Variants in TRIM14 observed in about 807,000 individuals in gnomAD.
TRIM14 encodes tripartite motif containing 14.
In TRIM14, 28 loss-of-function variants were observed where a neutral mutation model predicts 44.5. That is an observed-to-expected ratio of 0.63 (90% CI 0.47 to 0.86). The LOEUF (loss-of-function observed/expected upper bound fraction) is 0.86. TRIM14 is among the 40% of genes least tolerant of loss of function. TRIM14 has a pLI of 0.00. For missense variants in TRIM14, 607 were observed against 611.1 expected, an observed-to-expected ratio of 0.99 and a Z score of 0.07; for synonymous variants, 299 against 269.2, an observed-to-expected ratio of 1.11 and a Z score of -1.08.
the TRIM14 span, among the ~76,000 whole-genome samples, chr9:98,059,524 C>T: frequency 2.6e-5 from 4 of 152,110 alleles, no homozygotes; most frequent in African/African-American, 7.2e-5. Context: ...AAGCGATCCT[C>T]CCCCCTCAGC....
chr9:98,087,801 G>A lies in TRIM14; in HGVS notation c.998C>T (p.Ala333Val), dbSNP rs749950072. 2 of 1,506,060 alleles carry A rather than the reference G, an allele frequency of 1.3e-6. No individual in the cohort carries two copies. Among genetic ancestry groups the A allele is most frequent in the East Asian group, 2.7e-5 (1 of 37,614 alleles). The allele number at this position is 1,506,060 out of a possible 1,614,324, so 93.3% of individuals were successfully genotyped here. A position where few individuals can be genotyped will look rare whatever the true frequency, so the allele number is the denominator to read the frequency against. Residue 333 changes from alanine (A) to valine (V), a missense_variant, in exon 6 of 6, where the codon GCC (alanine) becomes GTC (valine). Ala to Val is a moderately conservative substitution (Grantham distance 64, BLOSUM62 0). This residue lies in a region of TRIM14 where 356 missense variants were observed against 323.0 expected (regional missense o/e 1.10). Coordinates refer to ENST00000341469, the MANE Select transcript of TRIM14 (RefSeq NM_014788.4). ...GTAGGCCGCGCCCACCCACCAGCCGGCGCCCGCCTCCTGCACGTCAACCTC... is the reference window on the plus strand; with the variant it reads ...GTAGGCCGCGCCCACCCACCAGCCGACGCCCGCCTCCTGCACGTCAACCTC... ...YWEVDVQEAGAGWWVGAAYAS... is the reference protein window; with the variant it reads ...YWEVDVQEAGVGWWVGAAYAS...
chr9:98,054,247 AAC>A, the TRIM14 span, among the ~76,000 whole-genome samples: 4 of 152,154 alleles, frequency 2.6e-5, no homozygotes, highest in Non-Finnish European at 5.9e-5. Flanking sequence ...CACATATACA[AAC>A]ACACACACAA....
In TRIM14 at chr9:98,099,975, C is replaced by T. The variant is rs771953795; in HGVS notation, c.493G>A (p.Val165Ile). The change falls in exon 3 of 6, where the codon GTC becomes ATC. Residue 165 changes from valine (V) to isoleucine (I), a missense_variant. Physicochemically the swap from Val to Ile is conservative, Grantham distance 29. Coordinates refer to ENST00000341469, the MANE Select transcript of TRIM14 (RefSeq NM_014788.4). ...TCGGGCTCCTGGCTGATACTCCAGA[C>T]CCTGTTGGAGAGATCATTCATGATG... is the stretch of plus-strand genomic sequence containing the variant. ...LDIMNDLSNR[V>I]WSISQEPDPV... The T allele has an allele frequency of 1.2e-6, 2 of 1,614,062 alleles. No homozygotes were observed. The highest frequency in any genetic ancestry group is 1.7e-6 in the Non-Finnish European group (2 of 1,180,036).
the TRIM14 span, among the ~76,000 whole-genome samples, chr9:98,060,074 G>A: frequency 1.3e-5 from 2 of 152,232 alleles, no homozygotes; most frequent in South Asian, 2.1e-4. Context: ...AAGAGTTAGG[G>A]TCAAAGTTAA....
intron 4 of TRIM14, among the ~76,000 whole-genome samples, chr9:98,093,893 A>C (rs1203241607): frequency 1.3e-5 from 2 of 152,044 alleles, no homozygotes; most frequent in African/African-American, 4.8e-5. Context: ...TTACAGGTGC[A>C]TGCCACCATG....
At chr9:98,093,294 C>A (rs1826065360) in intron 4 of TRIM14, among the ~76,000 whole-genome samples, 1 of 152,148 alleles carries the variant, frequency 6.6e-6, no homozygotes, top group African/African-American at 2.4e-5. Flanking sequence ...CTTGCTTTTC[C>A]CTCTGTCTAG....
chr9:98,093,085 C>A (rs560049273), intron 4 of TRIM14, among the ~76,000 whole-genome samples: 24 of 152,174 alleles, frequency 1.6e-4, no homozygotes, highest in Non-Finnish European at 3.2e-4. Flanking sequence ...CTAACAGGTT[C>A]ACTTCATTCC....
the TRIM14 span, among the ~76,000 whole-genome samples, chr9:98,046,744 G>T: frequency 1.3e-5 from 2 of 152,074 alleles, no homozygotes; most frequent in African/African-American, 4.8e-5. Flanking sequence ...CAGCTGATAT[G>T]CAGAAGAGTT....
the TRIM14 span, chr9:98,061,193 C>A: frequency 1.7e-6 from 1 of 589,680 alleles, no homozygotes; most frequent in Non-Finnish European, 3.0e-6. Context: ...CACATTGTCT[C>A]TGGCCGGGCT....
the TRIM14 span, among the ~76,000 whole-genome samples, chr9:98,045,125 TA>T: frequency 2.0e-5 from 3 of 151,766 alleles, no homozygotes; most frequent in African/African-American, 7.3e-5. Flanking sequence ...AAAATAAAAA[TA>T]AAGAATGCAC....
chr9:98,100,596 G>C (rs1826353371), intron 2 of TRIM14, among the ~76,000 whole-genome samples: 1 of 152,034 alleles, frequency 6.6e-6, no homozygotes, highest in Non-Finnish European at 1.5e-5. Context: ...AATCAATAAA[G>C]AGAAAACTGA....
intron 6 of TRIM14, chr9:98,075,225 G>C (rs1829529047): frequency 6.6e-6 from 1 of 152,024 alleles, no homozygotes; most frequent in Non-Finnish European, 1.5e-5. Context: ...TGAGGCAGGA[G>C]GATTGCTTGA....
chr9:98,063,102 ATTT>A, the TRIM14 span, among the ~76,000 whole-genome samples: 1 of 150,094 alleles, frequency 6.7e-6, no homozygotes, highest in African/African-American at 2.5e-5. Context: ...TTTTTTTTGT[ATTT>A]TTAGTGGAGA....
downstream of TRIM14, chr9:98,081,945 C>G (rs756462515): frequency 6.6e-6 from 1 of 152,196 alleles, no homozygotes; most frequent in Non-Finnish European, 1.5e-5. Flanking sequence ...AGATTTATAA[C>G]AGCTGAGCAC....
chr9:98,063,832 T>C, the TRIM14 span, among the ~76,000 whole-genome samples: 1 of 152,172 alleles, frequency 6.6e-6, no homozygotes, highest in African/African-American at 2.4e-5. Flanking sequence ...TTTAAGCCAC[T>C]GCACCCAGCC....
chr9:98,108,593 C>T (rs1826714146), intron 2 of TRIM14, among the ~76,000 whole-genome samples: 1 of 151,974 alleles, frequency 6.6e-6, no homozygotes, highest in African/African-American at 2.4e-5. Context: ...ACAACCCTTC[C>T]AACGTGACAG....
Position 98,087,637 on chromosome 9 carries a change from G to A in TRIM14, c.1162C>T (p.Leu388Phe). 1 of 1,604,878 alleles carries A rather than the reference G, an allele frequency of 6.2e-7. No homozygotes were observed. Among genetic ancestry groups the A allele is most frequent in the Non-Finnish European group, 8.5e-7 (1 of 1,178,582 alleles). The part of the protein sequence containing the change: ...QRSRLRPRDD[L>F]DRLGVFLDYE... ...TCCAGGAAGACGCCGAGCCGGTCGA[G>A]GTCGTCGCGGGGCCGCAGGCGGCTG... The change falls in exon 6 of 6, where the codon CTC becomes TTC. Residue 388 changes from leucine to phenylalanine, a missense_variant. Coordinates refer to ENST00000341469, the MANE Select transcript of TRIM14 (RefSeq NM_014788.4).
At chr9:98,098,714 A>C (rs1431209945) in intron 3 of TRIM14, among the ~76,000 whole-genome samples, 1 of 151,974 alleles carries the variant, frequency 6.6e-6, no homozygotes, top group Non-Finnish European at 1.5e-5. Flanking sequence ...AAAAAAAAAG[A>C]AAAAAGTAGA....
At position 98,087,627 on chromosome 9, in the gene TRIM14, A is replaced by C; in HGVS notation, c.1172T>G (p.Leu391Arg). The C allele has an allele frequency of 6.2e-7, 1 of 1,604,792 alleles. No individual in the cohort carries two copies. Among genetic ancestry groups the C allele is most frequent in the African/African-American group, 1.3e-5 (1 of 74,996 alleles). Residue 391 changes from leucine (L) to arginine (R), a missense_variant, in exon 6 of 6, where the codon CTC becomes CGC. Leu to Arg is a moderately radical substitution (Grantham distance 102). Around this residue, in one of 3 missense-constraint regions of TRIM14, gnomAD observed 356 missense variants for 323.0 expected, o/e 1.10. Coordinates refer to ENST00000341469, the MANE Select transcript of TRIM14 (RefSeq NM_014788.4). ...RLRPRDDLDR[L>R]GVFLDYEAGV... ...GGCCTCGTAGTCCAGGAAGACGCCG[A>C]GCCGGTCGAGGTCGTCGCGGGGCCG...
Sources: allele counts gnomAD v4.1 joint callset (sites outside exome capture counted in the v4.1 genomes callset), GRCh38; gene constraint gnomAD v4.1.1; regional missense constraint gnomAD v4.1.1; transcripts MANE v1.5; gene names NCBI Gene and HGNC (gene_info 2026-07-23, HGNC 2026-07-21).